The following PUDP variants were observed in gnomAD, a reference collection of about 807,000 sequenced individuals.
The protein encoded by PUDP is pseudouridine 5'-phosphatase, also known as pseudouridine-5'-phosphatase.
In PUDP, 8 loss-of-function variants were observed where a neutral mutation model predicts 9.4. The ratio of observed to expected loss-of-function variants is 0.85; its 90% CI spans 0.50 to 1.53. The LOEUF is 1.53. Ranked by LOEUF, PUDP falls within the 40% of genes most tolerant of loss-of-function variation. The pLI is 0.00. For missense variants in PUDP, 188 were observed against 189.7 expected (o/e 0.99, Z 0.05); for synonymous variants, 99 against 80.7 (o/e 1.23, Z -1.22).
intron 1 of PUDP, among the ~76,000 whole-genome samples, chrX:6,716,538 T>C (rs1233072762): frequency 8.9e-6 from 1 of 112,015 alleles, no homozygotes; most frequent in African/African-American, 3.2e-5. Flanking sequence ...ACGTGAACCA[T>C]GTGCTGATGG....
chrX:6,984,123 G>A (rs928365100), intron 1 of PUDP, among the ~76,000 whole-genome samples: 1 of 112,158 alleles, frequency 8.9e-6, no homozygotes, highest in Non-Finnish European at 1.9e-5. Flanking sequence ...TTTCACTGTC[G>A]TAATTTTCTC....
chrX:7,143,744 ATT>A (rs1277888600), intron 1 of PUDP, among the ~76,000 whole-genome samples: 2 of 112,230 alleles, frequency 1.8e-5, no homozygotes, highest in Non-Finnish European at 3.8e-5. Context: ...TGCTTTCTAT[ATT>A]CCAGAAGCCT....
intron 3 of PUDP, among the ~76,000 whole-genome samples, chrX:6,880,136 G>A (rs1457972681): frequency 9.1e-6 from 1 of 109,593 alleles, no homozygotes; most frequent in Admixed American, 9.8e-5. Flanking sequence ...AGATTTTTGG[G>A]GAACAGGTGG....
chrX:6,904,978 A>G (rs1431382742), intron 3 of PUDP, among the ~76,000 whole-genome samples: 1 of 112,075 alleles, frequency 8.9e-6, no homozygotes, highest in African/African-American at 3.2e-5. Flanking sequence ...CACTGCTCTG[A>G]GATCCTCATG....
intron 3 of PUDP, among the ~76,000 whole-genome samples, chrX:6,875,818 A>G (rs1007432336): frequency 1.7e-4 from 19 of 112,271 alleles, no homozygotes; most frequent in African/African-American, 5.2e-4. Flanking sequence ...ACACACTTGA[A>G]TGATGTGGAA....
chrX:6,961,742 A>G lies in PUDP; in HGVS notation c.*247+15391T>C, dbSNP rs746718322. ...AAGCTACATCCCTAAGTTTATATAG[A>G]TGGTCAGTGCATGACCCAAGAACAG... On this transcript the variant is annotated intron_variant and NMD_transcript_variant, in intron 3 of 3. Coordinates refer to the PUDP transcript ENST00000655425. 4.7e-4 allele frequency among the ~76,000 whole-genome samples: 52 copies of G among 111,635 alleles called. 1 individual carries two copies. Among genetic ancestry groups the G allele is most frequent in the Non-Finnish European group, 9.4e-4 (50 of 53,163 alleles).
intron 3 of PUDP, among the ~76,000 whole-genome samples, chrX:6,819,491 C>A (rs767844336): frequency 5.3e-5 from 6 of 112,455 alleles, no homozygotes; most frequent in Admixed American, 4.7e-4. Context: ...CTTTGGAGCA[C>A]CATACATTGC....
chrX:6,789,926 TGATA>T (rs747469542), intron 3 of PUDP, among the ~76,000 whole-genome samples: 46 of 109,338 alleles, frequency 4.2e-4, no homozygotes, highest in South Asian at 1.2e-3. Context: ...AGATGATAGA[TGATA>T]GATAGAGAAG....
At chrX:6,827,126 T>C (rs1239345301) in intron 3 of PUDP, among the ~76,000 whole-genome samples, 1 of 112,124 alleles carries the variant, frequency 8.9e-6, no homozygotes, top group Non-Finnish European at 1.9e-5. Flanking sequence ...AGGTTGCGTT[T>C]GGATCCCACA....
chrX:7,013,858 T>C (rs766740840), intron 1 of PUDP, among the ~76,000 whole-genome samples: 14 of 112,024 alleles, frequency 1.2e-4, no homozygotes, highest in African/African-American at 3.6e-4. Flanking sequence ...ACCAGCTCAA[T>C]AGACCCTCTG....
At chrX:7,098,615 AG>A (rs1478461096) in intron 2 of PUDP, among the ~76,000 whole-genome samples, 22 of 111,802 alleles carry the variant, frequency 2.0e-4, no homozygotes, top group African/African-American at 7.2e-4. Flanking sequence ...GCTGGACAGC[AG>A]GAGGAGTGCT....
intron 1 of PUDP, among the ~76,000 whole-genome samples, chrX:7,020,882 CCTGT>C (rs2146819949): frequency 8.9e-6 from 1 of 112,759 alleles, no homozygotes; most frequent in African/African-American, 3.2e-5. Context: ...GCTCATGCCC[CCTGT>C]CTATTAGCAA....
At chrX:7,061,223 C>G (rs1195365708) in intron 3 of PUDP, among the ~76,000 whole-genome samples, 2 of 111,381 alleles carry the variant, frequency 1.8e-5, no homozygotes, top group Admixed American at 9.6e-5. Flanking sequence ...TGTTTCTCAA[C>G]CATTTCATTC....
At chrX:6,719,693 T>C (rs1038320700) in intron 1 of PUDP, among the ~76,000 whole-genome samples, 1 of 111,968 alleles carries the variant, frequency 8.9e-6, no homozygotes, top group African/African-American at 3.2e-5. Context: ...TCTCCAAAAG[T>C]CCAGATTTTC....
intron 1 of PUDP, among the ~76,000 whole-genome samples, chrX:6,709,243 G>T (rs1257446508): frequency 9.0e-6 from 1 of 111,629 alleles, no homozygotes; most frequent in Non-Finnish European, 1.9e-5. Context: ...CCAGGGTCTG[G>T]TCTCTCACTT....
chrX:6,714,848 T>G (rs1049736074), intron 1 of PUDP, among the ~76,000 whole-genome samples: 5 of 111,563 alleles, frequency 4.5e-5, no homozygotes, highest in African/African-American at 1.6e-4. Context: ...ATTCCTCCTT[T>G]AACACATCAT....
chrX:6,828,425 T>C (rs1926456711), intron 3 of PUDP, among the ~76,000 whole-genome samples: 2 of 110,553 alleles, frequency 1.8e-5, no homozygotes, highest in African/African-American at 6.6e-5. Context: ...CACAGTAAAA[T>C]TCAGATGAAA....
At chrX:7,099,615 G>A (rs149636262) in intron 2 of PUDP, among the ~76,000 whole-genome samples, 186 of 111,707 alleles carry the variant, frequency 1.7e-3, no homozygotes, top group African/African-American at 5.6e-3. Context: ...CAGCTGATGT[G>A]CGAGTGCATC....
At chrX:7,038,315 C>T (rs946672735) in intron 1 of PUDP, among the ~76,000 whole-genome samples, 1 of 112,253 alleles carries the variant, frequency 8.9e-6, no homozygotes, top group African/African-American at 3.2e-5. Context: ...CACATATTTA[C>T]ATGAAATATT....
Sources: allele counts gnomAD v4.1 joint callset (sites outside exome capture counted in the v4.1 genomes callset), GRCh38; gene constraint gnomAD v4.1.1; transcripts MANE v1.5; gene names NCBI Gene and HGNC (gene_info 2026-07-23, HGNC 2026-07-21).